The following LHFPL6 variants were observed in gnomAD, a reference collection of about 807,000 sequenced individuals.
LHFPL6 encodes the protein LHFPL tetraspan subfamily member 6 protein.
In LHFPL6, 9 loss-of-function variants were observed where a neutral mutation model predicts 20.6. The ratio of observed to expected loss-of-function variants is 0.44; its 90% CI spans 0.26 to 0.76. The LOEUF (loss-of-function observed/expected upper bound fraction) is 0.76, where lower values mean the gene tolerates loss of function less well. LHFPL6 is among the 30% of genes least tolerant of loss of function. The probability of loss-of-function intolerance (pLI) is 0.20; values close to 1 mark genes in which losing one functional copy is unlikely to be tolerated. For missense variants in LHFPL6, 218 were observed against 253.5 expected (o/e 0.86, Z 0.95); for synonymous variants, 105 against 98.7 (o/e 1.06, Z -0.38).
chr13:39,424,259 A>G (rs889258343), intron 2 of LHFPL6, among the ~76,000 whole-genome samples: 1 of 152,264 alleles, frequency 6.6e-6, no homozygotes, highest in African/African-American at 2.4e-5. Context: ...AATGAAAATT[A>G]GAAGTAGATT....
At chr13:39,458,612 T>C (rs1872623742) in intron 2 of LHFPL6, among the ~76,000 whole-genome samples, 1 of 150,662 alleles carries the variant, frequency 6.6e-6, no homozygotes, top group African/African-American at 2.5e-5. Context: ...GATGGGAGGA[T>C]CACCTGAGGC....
Position 39,576,210 on chromosome 13 carries a change from A to G in LHFPL6, c.385+24622T>C, listed in dbSNP as rs187830290. Reference sequence around the variant, plus strand: ...TTAAAATCATTTTAACAGAGTTCATACAGACTAGGTTTGGGTCAAAATGAT... The same window carrying G: ...TTAAAATCATTTTAACAGAGTTCATGCAGACTAGGTTTGGGTCAAAATGAT... On this transcript the variant is annotated intron_variant, in intron 2 of 3. Transcript: ENST00000379589. Among the ~76,000 whole-genome samples, 192 of 152,334 alleles carry G rather than the reference A, an allele frequency of 1.3e-3. 1 individual carries two copies. Among genetic ancestry groups the G allele is most frequent in the Non-Finnish European group, 8.7e-4 (59 of 68,032 alleles).
chr13:39,379,654 C>T (rs1029929887), intron 2 of LHFPL6, among the ~76,000 whole-genome samples: 4 of 152,168 alleles, frequency 2.6e-5, no homozygotes, highest in Non-Finnish European at 5.9e-5. Flanking sequence ...CAGTAGTAAT[C>T]CATACAAATA....
chr13:39,523,851 C>T (rs1054034561), intron 2 of LHFPL6, among the ~76,000 whole-genome samples: 2 of 151,860 alleles, frequency 1.3e-5, no homozygotes, highest in Non-Finnish European at 2.9e-5. Context: ...ACAAGAAAGA[C>T]GGAAAAGAGG....
At chr13:39,452,314 G>C (rs1872471407) in intron 2 of LHFPL6, among the ~76,000 whole-genome samples, 1 of 152,094 alleles carries the variant, frequency 6.6e-6, no homozygotes, top group Admixed American at 6.6e-5. Context: ...AGTACTAGGA[G>C]GACTCCATAT....
intron 2 of LHFPL6, among the ~76,000 whole-genome samples, chr13:39,499,461 G>A (rs770512495): frequency 6.6e-6 from 1 of 152,122 alleles, no homozygotes; most frequent in Non-Finnish European, 1.5e-5. Context: ...TGCAGCCCAG[G>A]CATCCTCAGC....
chr13:39,549,417 C>A (rs1392818489), intron 2 of LHFPL6, among the ~76,000 whole-genome samples: 1 of 152,058 alleles, frequency 6.6e-6, no homozygotes, highest in African/African-American at 2.4e-5. Context: ...ATCTTTGTGA[C>A]CCTGAGTGAA....
intron 2 of LHFPL6, among the ~76,000 whole-genome samples, chr13:39,514,063 A>C (rs1375336371): frequency 6.6e-6 from 1 of 152,088 alleles, no homozygotes; most frequent in African/African-American, 2.4e-5. Flanking sequence ...GGAGTCAAAG[A>C]AGGTTTTAGC....
At chr13:39,541,454 C>T (rs74046534) in intron 2 of LHFPL6, among the ~76,000 whole-genome samples, 7,242 of 152,242 alleles carry the variant, frequency 0.048, 383 homozygotes, top group African/African-American at 0.13. Flanking sequence ...AGGCACCCTC[C>T]ATAACCTGGT....
intron 2 of LHFPL6, among the ~76,000 whole-genome samples, chr13:39,553,507 T>C (rs1245337546): frequency 6.6e-6 from 1 of 151,756 alleles, no homozygotes; most frequent in Non-Finnish European, 1.5e-5. Flanking sequence ...AGCTCAGGAG[T>C]TCAAGACCAG....
chr13:39,490,113 AC>A (rs1363819992), intron 2 of LHFPL6, among the ~76,000 whole-genome samples: 2 of 152,156 alleles, frequency 1.3e-5, no homozygotes, highest in Non-Finnish European at 2.9e-5. Flanking sequence ...AAAACAGGAA[AC>A]GTCACAGAAT....
intron 2 of LHFPL6, among the ~76,000 whole-genome samples, chr13:39,512,612 A>AAGAAAG (rs1869759986): frequency 8.0e-6 from 1 of 125,640 alleles, no homozygotes; most frequent in African/African-American, 3.2e-5. Flanking sequence ...AAAAAAAAAA[A>AAGAAAG]AAAGAAAAGA....
intron 2 of LHFPL6, among the ~76,000 whole-genome samples, chr13:39,599,965 T>C (rs1480888197): frequency 6.6e-6 from 1 of 152,174 alleles, no homozygotes; most frequent in Admixed American, 6.5e-5. Flanking sequence ...TCTATGGAGG[T>C]TGTCATATTT....
chr13:39,392,105 T>C (rs4943658), intron 2 of LHFPL6, among the ~76,000 whole-genome samples: 151,789 of 152,308 alleles, frequency 1, 75,636 homozygotes, highest in Middle Eastern at 1. Context: ...CACTTTGACT[T>C]AATTTAAATC....
chr13:39,515,635 C>T (rs1394492946), intron 2 of LHFPL6, among the ~76,000 whole-genome samples: 1 of 152,138 alleles, frequency 6.6e-6, no homozygotes, highest in Admixed American at 6.5e-5. Flanking sequence ...TTTATCTCTG[C>T]CCGACAGCAA....
At chr13:39,510,043 C>T (rs904180395) in intron 2 of LHFPL6, among the ~76,000 whole-genome samples, 8 of 152,318 alleles carry the variant, frequency 5.3e-5, no homozygotes, top group South Asian at 2.1e-4. Flanking sequence ...CAGAAACTCA[C>T]GGTGCTCAAA....
intron 2 of LHFPL6, among the ~76,000 whole-genome samples, chr13:39,425,975 G>A (rs1257609680): frequency 6.6e-6 from 1 of 152,000 alleles, no homozygotes; most frequent in African/African-American, 2.4e-5. Flanking sequence ...TTTTCATTCT[G>A]TTAATAGTCT....
At chr13:39,441,508 T>C (rs1037941705) in intron 2 of LHFPL6, among the ~76,000 whole-genome samples, 1 of 149,608 alleles carries the variant, frequency 6.7e-6, no homozygotes, top group Non-Finnish European at 1.5e-5. Flanking sequence ...TGAAAAAAAA[T>C]ACTTTATTAT....
chr13:39,543,750 AG>A (rs1301480559), intron 2 of LHFPL6, among the ~76,000 whole-genome samples: 5 of 152,206 alleles, frequency 3.3e-5, no homozygotes, highest in African/African-American at 9.6e-5. Context: ...AACTATGCCA[AG>A]TCACAAGCTC....
Sources: gnomAD v4.1 joint callset for allele counts (sites outside exome capture counted in the v4.1 genomes callset) on GRCh38, gnomAD v4.1.1 for gene constraint, MANE v1.5 for transcripts, NCBI Gene and HGNC (gene_info 2026-07-23, HGNC 2026-07-21) for gene names.